Variants in TBC1D9 observed in about 807,000 individuals in gnomAD.
TBC1D9 encodes TBC1 domain family member 9, also known as TBC1 domain family member 9A.
Under a neutral mutation model 132.0 loss-of-function variants are expected in TBC1D9, and 63 were observed. That is an observed-to-expected ratio of 0.48 (90% CI 0.39 to 0.59). The LOEUF (loss-of-function observed/expected upper bound fraction) is 0.59. Ranked by LOEUF, TBC1D9 falls within the 20% of genes least tolerant of loss-of-function variation. The pLI, the probability that TBC1D9 is intolerant of heterozygous loss-of-function variation, is 0.00. For synonymous variants in TBC1D9, 610 were observed against 609.9 expected (o/e 1.00, Z 0.00); for missense variants, 1,261 against 1,592.7 (o/e 0.79, Z 3.54).
intron 1 of TBC1D9, among the ~76,000 whole-genome samples, chr4:140,722,305 T>C (rs149757348): frequency 6.6e-6 from 1 of 152,302 alleles, no homozygotes; most frequent in Admixed American, 6.5e-5. Context: ...GAAGCAGCAA[T>C]GTAAACTGCA....
chr4:140,732,160 T>C (rs1466112087), intron 1 of TBC1D9, among the ~76,000 whole-genome samples: 1 of 152,164 alleles, frequency 6.6e-6, no homozygotes, highest in Non-Finnish European at 1.5e-5. Flanking sequence ...AAAATGCAAA[T>C]TCAAAGGAGT....
rs562629941 is a variant in TBC1D9, at chr4:140,678,393, G to A, written c.851+549C>T. ...ATGAAGGGTAATTCCAGGCACATGG[G>A]GCATCAACTTTCCATCACCCTCTCT... is the stretch of plus-strand genomic sequence containing the variant. On this transcript the variant is annotated intron_variant, in intron 5 of 20. Coordinates refer to ENST00000442267, the MANE Select transcript of TBC1D9 (RefSeq NM_015130.3). Among the ~76,000 whole-genome samples, 8 of 152,180 alleles carry A rather than the reference G, an allele frequency of 5.3e-5. No individual in the cohort carries two copies. The South Asian group carries it at 1.5e-3, about 28-fold the overall frequency.
chr4:140,739,731 A>T (rs184373735), intron 1 of TBC1D9, among the ~76,000 whole-genome samples: 1 of 152,248 alleles, frequency 6.6e-6, no homozygotes. Context: ...AGCTGGGCAC[A>T]GCGGTACATG....
chr4:140,728,362 G>A (rs562201449), intron 1 of TBC1D9, among the ~76,000 whole-genome samples: 8 of 148,830 alleles, frequency 5.4e-5, no homozygotes, highest in African/African-American at 2.0e-4. Context: ...AAAGTCAAGT[G>A]TTTCTGGGTT....
At chr4:140,708,396 T>C (rs762790904) in intron 1 of TBC1D9, among the ~76,000 whole-genome samples, 3 of 152,238 alleles carry the variant, frequency 2.0e-5, no homozygotes, top group Non-Finnish European at 4.4e-5. Context: ...TTAATCAGTA[T>C]TGAAATTTAT....
chr4:140,708,461 T>C (rs1014704555), intron 1 of TBC1D9, among the ~76,000 whole-genome samples: 2 of 152,228 alleles, frequency 1.3e-5, no homozygotes, highest in Admixed American at 1.3e-4. Flanking sequence ...CAAGTCTCTA[T>C]TCTCCTACTT....
At chr4:140,660,607 C>T (rs993593709) in intron 10 of TBC1D9, among the ~76,000 whole-genome samples, 66 of 152,198 alleles carry the variant, frequency 4.3e-4, no homozygotes, top group Middle Eastern at 6.8e-3. Context: ...AGTCATTTAG[C>T]GGAGATAGGT....
Position 140,657,232 on chromosome 4 carries a change from A to T in TBC1D9, c.2208-6T>A. On this transcript the variant is annotated splice_polypyrimidine_tract_variant and splice_region_variant and intron_variant, in intron 12 of 20. Transcript: ENST00000442267. ...TGGTCACACTGTCTAAATACCTGGA[A>T]GAAGAATGCATCAGAAGTCACAGGA... 1 of 1,612,676 alleles carries T rather than the reference A, an allele frequency of 6.2e-7. No homozygotes were observed. Among genetic ancestry groups the T allele is most frequent in the Non-Finnish European group, 8.5e-7 (1 of 1,179,500 alleles).
chr4:140,630,644 C>T (rs1436031153), intron 16 of TBC1D9, among the ~76,000 whole-genome samples: 1 of 152,154 alleles, frequency 6.6e-6, no homozygotes, highest in African/African-American at 2.4e-5. Flanking sequence ...GTTTGTTTTT[C>T]GAGTGGTGAG....
chr4:140,712,462 G>C (rs866675388), intron 1 of TBC1D9, among the ~76,000 whole-genome samples: 1 of 21,552 alleles, frequency 4.6e-5, no homozygotes. Context: ...ATATATATAT[G>C]CCAGGTGCGG....
intron 1 of TBC1D9, among the ~76,000 whole-genome samples, chr4:140,717,451 G>T (rs1738352749): frequency 6.6e-6 from 1 of 152,144 alleles, no homozygotes; most frequent in Non-Finnish European, 1.5e-5. Context: ...TTTGTTAATG[G>T]CTAATTCACC....
At chr4:140,747,015 A>T (rs980480536) in intron 1 of TBC1D9, among the ~76,000 whole-genome samples, 4 of 149,884 alleles carry the variant, frequency 2.7e-5, no homozygotes, top group South Asian at 2.1e-4. Context: ...AAATAAAAAT[A>T]AAAAATAAAT....
chr4:140,705,742 T>C (rs1435134328), intron 1 of TBC1D9, among the ~76,000 whole-genome samples: 2 of 152,156 alleles, frequency 1.3e-5, no homozygotes, highest in African/African-American at 4.8e-5. Context: ...AGAAGTCTCA[T>C]TACTCATACC....
chr4:140,639,478 A>T (rs1191458764), intron 13 of TBC1D9, 50 bp from the exon 14 acceptor site: 8 of 1,298,684 alleles, frequency 6.2e-6, no homozygotes, highest in East Asian at 2.4e-5. Context: ...TACAGCACAC[A>T]ATGTCCTGTC....
chr4:140,660,619 T>G (rs766420070), intron 10 of TBC1D9, among the ~76,000 whole-genome samples: 36 of 152,182 alleles, frequency 2.4e-4, no homozygotes, highest in Admixed American at 4.6e-4. Flanking sequence ...GAGATAGGTT[T>G]TTTTAGGGGT....
intron 13 of TBC1D9, chr4:140,642,249 G>A: frequency 1.4e-6 from 1 of 717,620 alleles, no homozygotes; most frequent in South Asian, 1.6e-5. Flanking sequence ...CTCTGAGTCT[G>A]TATTGTAAGA....
chr4:140,671,424 A>G (rs138452058), intron 6 of TBC1D9, among the ~76,000 whole-genome samples: 151 of 152,340 alleles, frequency 9.9e-4, no homozygotes, highest in African/African-American at 3.5e-3. Flanking sequence ...TCATGGAGCT[A>G]TAAGAGAGAG....
chr4:140,679,485 G>A (rs891988645), intron 4 of TBC1D9, 130 bp downstream of exon 4: 1 of 720,584 alleles, frequency 1.4e-6, no homozygotes, highest in African/African-American at 1.9e-5. Flanking sequence ...CACTTCAGTA[G>A]TAAAAAAAAA....
chr4:140,653,527 G>A (rs1737219032), intron 13 of TBC1D9, among the ~76,000 whole-genome samples: 1 of 152,044 alleles, frequency 6.6e-6, no homozygotes, highest in South Asian at 2.1e-4. Context: ...AATTGGTCTG[G>A]GATGGAGCCT....
Sources: gnomAD v4.1 joint callset for allele counts (sites outside exome capture counted in the v4.1 genomes callset) on GRCh38, gnomAD v4.1.1 for gene constraint, MANE v1.5 for transcripts, NCBI Gene and HGNC (gene_info 2026-07-23, HGNC 2026-07-21) for gene names.